Variants in TLK2 observed in about 807,000 individuals in gnomAD.
TLK2 encodes the protein serine/threonine-protein kinase tousled-like 2.
In TLK2, 6 loss-of-function variants were observed where a neutral mutation model predicts 117.3. That is an observed-to-expected ratio of 0.05 (90% CI 0.03 to 0.10). The LOEUF is 0.10. Ranked by LOEUF, TLK2 falls within the 10% of genes least tolerant of loss-of-function variation. TLK2 has a pLI of 1.00. For missense variants in TLK2, 299 were observed against 901.2 expected (o/e 0.33, Z 8.56); for synonymous variants, 257 against 316.7 (o/e 0.81, Z 2.00).
intron 6 of TLK2, among the ~76,000 whole-genome samples, chr17:62,535,040 G>A (rs2465438): frequency 1.3e-5 from 2 of 151,568 alleles, no homozygotes; most frequent in African/African-American, 2.4e-5. Context: ...AGGTGCCCAC[G>A]ACCACGCCTG....
chr17:62,518,969 C>T (rs1026097918), intron 2 of TLK2, among the ~76,000 whole-genome samples: 7 of 152,218 alleles, frequency 4.6e-5, no homozygotes, highest in African/African-American at 1.4e-4. Context: ...ATTGCAACCT[C>T]TACTTCTCGG....
chr17:62,565,193 G>A, intron 11 of TLK2, 56 bp downstream of exon 11: 1 of 1,563,318 alleles, frequency 6.4e-7, no homozygotes, highest in Non-Finnish European at 8.6e-7. Context: ...GCATTTTTTA[G>A]GTTTTCTGTA....
intron 2 of TLK2, among the ~76,000 whole-genome samples, chr17:62,509,300 G>A (rs1268283311): frequency 6.6e-6 from 1 of 152,102 alleles, no homozygotes; most frequent in Non-Finnish European, 1.5e-5. Context: ...TGCTGCCCAA[G>A]CTGGTCTGGA....
rs890080165 is a variant in TLK2 at position 62,596,441 on chromosome 17, A to C, written c.1461-144A>C. 26 of 608,962 alleles carry C rather than the reference A, an allele frequency of 4.3e-5. No individual in the cohort carries two copies. In the African/African-American group the frequency reaches 4.5e-4, roughly 11 times the overall value. The allele number at this position is 608,962 out of a possible 1,614,324, so 37.7% of individuals were successfully genotyped here. A position where few individuals can be genotyped will look rare whatever the true frequency, so the allele number is the denominator to read the frequency against. The stretch of plus-strand genomic sequence containing the variant: ...GAGAAAATAGGATGAGCAAAGAGAA[A>C]AGTCAGATGAGGGACCAGATGGACC... On this transcript the variant is annotated intron_variant, in intron 16 of 21. Coordinates refer to ENST00000346027, the MANE Select transcript of TLK2 (RefSeq NM_006852.6).
intron 7 of TLK2, among the ~76,000 whole-genome samples, chr17:62,536,791 G>A (rs2077142809): frequency 6.6e-6 from 1 of 152,174 alleles, no homozygotes; most frequent in Admixed American, 6.5e-5. Context: ...TAGTATTTGG[G>A]CTATGTACAC....
At chr17:62,515,854 TG>T (rs1430591784) in intron 2 of TLK2, among the ~76,000 whole-genome samples, 3 of 152,240 alleles carry the variant, frequency 2.0e-5, no homozygotes, top group Admixed American at 6.5e-5. Flanking sequence ...GTATTTTTAC[TG>T]TTTTTATCTC....
At chr17:62,575,292 C>T (rs1476511997) in intron 12 of TLK2, among the ~76,000 whole-genome samples, 1 of 152,188 alleles carries the variant, frequency 6.6e-6, no homozygotes, top group African/African-American at 2.4e-5. Context: ...CCTCTGGGGT[C>T]TTGGAGTGAG....
intron 2 of TLK2, among the ~76,000 whole-genome samples, chr17:62,502,484 A>G (rs1267337196): frequency 1.3e-5 from 2 of 152,356 alleles, no homozygotes; most frequent in African/African-American, 4.8e-5. Flanking sequence ...ACTCCAAACA[A>G]GTCAATGGTA....
chr17:62,527,983 C>A (rs1350721502), intron 6 of TLK2, among the ~76,000 whole-genome samples: 2 of 152,026 alleles, frequency 1.3e-5, no homozygotes, highest in Non-Finnish European at 2.9e-5. Flanking sequence ...CCTCGTGATC[C>A]GCCCGCCTCG....
At chr17:62,547,744 C>T (rs1384993093) in intron 7 of TLK2, among the ~76,000 whole-genome samples, 1 of 152,126 alleles carries the variant, frequency 6.6e-6, no homozygotes, top group Non-Finnish European at 1.5e-5. Context: ...AACCCATATA[C>T]CATATATCAA....
chr17:62,495,952 C>T (rs1270197953), intron 2 of TLK2, among the ~76,000 whole-genome samples: 1 of 151,946 alleles, frequency 6.6e-6, no homozygotes, highest in Non-Finnish European at 1.5e-5. Context: ...AGGTGTAAGC[C>T]ACCATGCCTG....
intron 16 of TLK2, among the ~76,000 whole-genome samples, chr17:62,588,455 T>G (rs1010418332): frequency 6.6e-6 from 1 of 152,142 alleles, no homozygotes; most frequent in African/African-American, 2.4e-5. Context: ...AAGGGGATGG[T>G]CCTATTTGTC....
chr17:62,509,519 A>G (rs1233073666), intron 2 of TLK2, among the ~76,000 whole-genome samples: 2 of 152,256 alleles, frequency 1.3e-5, no homozygotes, highest in African/African-American at 2.4e-5. Flanking sequence ...AAATAAAAAT[A>G]CTAGTAAATG....
chr17:62,542,963 A>G (rs1197761848), intron 7 of TLK2, among the ~76,000 whole-genome samples: 1 of 152,262 alleles, frequency 6.6e-6, no homozygotes, highest in African/African-American at 2.4e-5. Context: ...AATTAGCATT[A>G]TAACATGTCT....
chr17:62,546,341 A>ATTTTTTTTTTTT (rs1385208928), intron 7 of TLK2, among the ~76,000 whole-genome samples: 2 of 8,866 alleles, frequency 2.3e-4, no homozygotes, highest in Non-Finnish European at 4.1e-4. Flanking sequence ...GAGTTTGTTG[A>ATTTTTTTTTTTT]TTGTTTTTTT....
chr17:62,471,076 G>C (rs2070932219), exon 1 of TLK2: 1 of 152,280 alleles, frequency 6.6e-6, no homozygotes, highest in African/African-American at 2.4e-5. Context: ...ACAGCCTGTG[G>C]AGGTTGGTAT....
intron 10 of TLK2, 173 bp downstream of exon 10, chr17:62,560,299 G>C (rs2079163172): frequency 4.9e-6 from 2 of 410,092 alleles, no homozygotes; most frequent in Non-Finnish European, 8.9e-6. Flanking sequence ...ACCATCCAGA[G>C]TGTTAATTTG....
chr17:62,558,117 T>C (rs1016318408), intron 9 of TLK2, among the ~76,000 whole-genome samples: 1 of 152,034 alleles, frequency 6.6e-6, no homozygotes, highest in Non-Finnish European at 1.5e-5. Context: ...TAATAAGATG[T>C]TGGGTATGGC....
intron 15 of TLK2, among the ~76,000 whole-genome samples, 198 bp downstream of exon 15, chr17:62,580,390 A>G (rs2081120337): frequency 6.6e-6 from 1 of 152,146 alleles, no homozygotes; most frequent in East Asian, 1.9e-4. Flanking sequence ...GCCATTTTCA[A>G]GTTTGAAAAA....
Sources: allele counts gnomAD v4.1 joint callset (sites outside exome capture counted in the v4.1 genomes callset), GRCh38; gene constraint gnomAD v4.1.1; transcripts MANE v1.5; gene names NCBI Gene and HGNC (gene_info 2026-07-23, HGNC 2026-07-21).